The following SLC45A4 variants were observed in gnomAD, a reference collection of about 807,000 sequenced individuals.
SLC45A4 encodes polyamine-transporter SLC45A4.
Under a neutral mutation model 63.7 loss-of-function variants are expected in SLC45A4, and 32 were observed. That is an observed-to-expected ratio of 0.50 (90% CI 0.38 to 0.67). The LOEUF (loss-of-function observed/expected upper bound fraction) is 0.67, where lower values mean the gene tolerates loss of function less well. Ranked by LOEUF, SLC45A4 falls within the 30% of genes least tolerant of loss-of-function variation. The pLI, the probability that SLC45A4 is intolerant of heterozygous loss-of-function variation, is 0.00. For synonymous variants in SLC45A4, 535 were observed against 510.0 expected (o/e 1.05, Z -0.66); for missense variants, 1,027 against 1,157.7 (o/e 0.89, Z 1.64).
intron 2 of SLC45A4, among the ~76,000 whole-genome samples, chr8:141,237,896 G>C (rs1213297905): frequency 6.6e-6 from 1 of 152,206 alleles, no homozygotes; most frequent in African/African-American, 2.4e-5. Flanking sequence ...AGAATAACAG[G>C]CGTGTAACTC....
chr8:141,228,309 C>T (rs1412094753), intron 2 of SLC45A4: 2 of 1,607,618 alleles, frequency 1.2e-6, no homozygotes, highest in Non-Finnish European at 1.7e-6. Context: ...CACCTCCCAG[C>T]AACTCCCAGG....
intron 1 of SLC45A4, among the ~76,000 whole-genome samples, chr8:141,285,764 C>A (rs556352655): frequency 2.0e-5 from 3 of 152,216 alleles, no homozygotes; most frequent in Non-Finnish European, 4.4e-5. Flanking sequence ...CGCCCCGTGC[C>A]CCCTTCTGAC....
chr8:141,302,407 C>G (rs1399288147), intron 1 of SLC45A4, among the ~76,000 whole-genome samples: 1 of 151,328 alleles, frequency 6.6e-6, no homozygotes, highest in Non-Finnish European at 1.5e-5. Context: ...CTCCCTCCCC[C>G]CGACCCCACC....
rs1316005096 is a variant in SLC45A4 at position 141,227,422 on chromosome 8, G to A, written c.242-5657C>T. 6.6e-6 allele frequency among the ~76,000 whole-genome samples: 1 copy of A among 152,240 alleles called. No individual in the cohort carries two copies. Among genetic ancestry groups the A allele is most frequent in the Admixed American group, 6.5e-5 (1 of 15,286 alleles). On this transcript the variant is annotated intron_variant, in intron 2 of 8. Transcript: ENST00000517878. This position sits in a 1 kb window ranked among gnomAD's most constrained non-coding sequence, Gnocchi z 4.4. ...TGCATTCTTTCTTTCAATGGACAAA[G>A]CTTCCACATCAAGATACGCTTGTGT...
At chr8:141,296,241 G>A (rs1369584158) in intron 1 of SLC45A4, among the ~76,000 whole-genome samples, 7 of 151,644 alleles carry the variant, frequency 4.6e-5, no homozygotes, top group Non-Finnish European at 2.9e-5. Flanking sequence ...TGAGGCACGA[G>A]AATCGCTTCA....
rs980560729 is a variant in SLC45A4 at position 141,227,670 on chromosome 8, C to T, written c.242-5905G>A. On this transcript the variant is annotated intron_variant, in intron 2 of 8. Transcript: ENST00000517878. The surrounding 1 kb of genome is among the most constrained non-coding windows in gnomAD (Gnocchi z 4.4). ...GGGGAAGGGCCACTGGCACTGGGCC[C>T]CCGGCACTGAGGCTCTGTGCTGGCG... Among the ~76,000 whole-genome samples the T allele has an allele frequency of 1.3e-5, 2 of 152,194 alleles. No individual in the cohort carries two copies. The highest frequency in any genetic ancestry group is 4.8e-5 in the African/African-American group (2 of 41,458).
At chr8:141,271,998 G>C (rs1291760334) in intron 1 of SLC45A4, among the ~76,000 whole-genome samples, 1 of 151,582 alleles carries the variant, frequency 6.6e-6, no homozygotes, top group Non-Finnish European at 1.5e-5. Flanking sequence ...CCATACACGT[G>C]TGCATGCAAC....
At chr8:141,295,354 A>G (rs1158879739) in intron 1 of SLC45A4, among the ~76,000 whole-genome samples, 2 of 152,204 alleles carry the variant, frequency 1.3e-5, no homozygotes, top group East Asian at 1.9e-4. Context: ...GAAGAGCCCA[A>G]GGGCACCAGG....
intron 5 of SLC45A4, among the ~76,000 whole-genome samples, chr8:141,217,559 T>C (rs1297944883): frequency 2.0e-5 from 3 of 152,152 alleles, no homozygotes; most frequent in East Asian, 1.9e-4. Context: ...AGGGACCGTA[T>C]GGAGACAGGA....
At chr8:141,286,801 A>G (rs770078606) in intron 1 of SLC45A4, among the ~76,000 whole-genome samples, 1 of 106,258 alleles carries the variant, frequency 9.4e-6, no homozygotes, top group African/African-American at 3.6e-5. Context: ...ATCTTCCCCC[A>G]GTTAAGTTCA....
chr8:141,248,183 GTTC>G (rs1489018879), intron 2 of SLC45A4, among the ~76,000 whole-genome samples: 1 of 152,144 alleles, frequency 6.6e-6, no homozygotes, highest in Non-Finnish European at 1.5e-5. Context: ...CAGGCAAAGA[GTTC>G]TTAATTGAAA....
chr8:141,218,894 T>G lies in SLC45A4; in HGVS notation c.746A>C (p.His249Pro). 2 of 1,613,592 alleles carry G rather than the reference T, an allele frequency of 1.2e-6. No individual in the cohort carries two copies. Among genetic ancestry groups the G allele is most frequent in the Non-Finnish European group, 1.7e-6 (2 of 1,179,914 alleles). The change falls in exon 5 of 9, where the codon CAC (histidine) becomes CCC (proline). Residue 249 changes from histidine (H) to proline (P), a missense_variant. His to Pro is a moderately conservative substitution (Grantham distance 77). Transcript: ENST00000517878. ...CTGCTCCTCGTCGATGCTGAACAGG[T>G]GCAGGGCCACGGACACCGTGAAGAT... Reference protein sequence around the residue: ...AIIFTVSVALHLFSIDEEQYS... With the variant: ...AIIFTVSVALPLFSIDEEQYS...
intron 1 of SLC45A4, among the ~76,000 whole-genome samples, chr8:141,299,431 G>C (rs1830671061): frequency 6.6e-6 from 1 of 152,224 alleles, no homozygotes; most frequent in Non-Finnish European, 1.5e-5. Context: ...AGAGACACCA[G>C]CTCCAGGCTG....
intron 2 of SLC45A4, among the ~76,000 whole-genome samples, chr8:141,244,371 A>G (rs1049514199): frequency 3.3e-5 from 5 of 152,232 alleles, no homozygotes; most frequent in Non-Finnish European, 5.9e-5. Context: ...GCATGTGGCC[A>G]TATGAGGCAT....
Position 141,254,675 on chromosome 8 carries a change from AC to A in SLC45A4, c.-400-47del. ...CCGGCCAGAGAGTCAGGGGACGGCC[AC>A]CAGATGGCCCTGTGGACCGCCGCCC... On this transcript the variant is annotated intron_variant, in intron 1 of 8. Transcript: ENST00000517878. The surrounding 1 kb of genome is among the most constrained non-coding windows in gnomAD (Gnocchi z 4.5). 1.4e-6 allele frequency: 1 copy of A among 696,852 alleles called. No individual in the cohort carries two copies. Among genetic ancestry groups the A allele is most frequent in the Non-Finnish European group, 2.6e-6 (1 of 381,792 alleles). The allele number at this position is 696,852 out of a possible 1,614,324, so 43.2% of individuals were successfully genotyped here.
At chr8:141,253,563 A>C (rs574903005) in intron 2 of SLC45A4, among the ~76,000 whole-genome samples, 1 of 152,342 alleles carries the variant, frequency 6.6e-6, no homozygotes, top group South Asian at 2.1e-4. Context: ...CTTTACACAC[A>C]AAGAATCAGA....
At chr8:141,258,248 G>A (rs1236417966) in intron 1 of SLC45A4, among the ~76,000 whole-genome samples, 2 of 152,004 alleles carry the variant, frequency 1.3e-5, no homozygotes, top group African/African-American at 4.8e-5. Flanking sequence ...GGCGACGGTG[G>A]AGCCCTGCTT....
chr8:141,269,828 T>C (rs908228040), intron 1 of SLC45A4, among the ~76,000 whole-genome samples: 1 of 152,100 alleles, frequency 6.6e-6, no homozygotes, highest in Non-Finnish European at 1.5e-5. Flanking sequence ...TACCCTAAGT[T>C]TGAAGAAACT....
intron 1 of SLC45A4, among the ~76,000 whole-genome samples, chr8:141,296,901 G>A (rs562177700): frequency 2.0e-5 from 3 of 149,772 alleles, no homozygotes; most frequent in Admixed American, 6.7e-5. Context: ...TGAAGACAGA[G>A]CAAGAAGGGG....
Sources: allele counts gnomAD v4.1 joint callset (sites outside exome capture counted in the v4.1 genomes callset), GRCh38; gene constraint gnomAD v4.1.1; non-coding constraint Gnocchi (gnomAD v3.1); transcripts MANE v1.5; gene names NCBI Gene and HGNC (gene_info 2026-07-23, HGNC 2026-07-21).